Variants in WWOX observed in about 807,000 individuals in gnomAD.
WWOX encodes the protein WW domain-containing oxidoreductase.
In WWOX, 69 loss-of-function variants were observed where a neutral mutation model predicts 46.2. The observed-to-expected ratio is 1.49, with a 90% CI of 1.23 to 1.82. The LOEUF is 1.82. Among genes scored for constraint, WWOX ranks in the 40% most tolerant of loss-of-function variants. The pLI, the probability that WWOX is intolerant of heterozygous loss-of-function variation, is 0.00. For missense variants in WWOX, 919 were observed against 542.6 expected (o/e 1.69, Z -6.89); for synonymous variants, 359 against 202.6 (o/e 1.77, Z -6.56).
chr16:78,478,944 C>G (rs574110897), intron 8 of WWOX, among the ~76,000 whole-genome samples: 36 of 152,090 alleles, frequency 2.4e-4, no homozygotes, highest in Admixed American at 2.0e-3. Context: ...ATCATGGCCC[C>G]TTTTCTCCTT....
intron 5 of WWOX, among the ~76,000 whole-genome samples, chr16:78,359,492 C>A (rs576753190): frequency 2.6e-5 from 4 of 151,996 alleles, no homozygotes; most frequent in African/African-American, 9.7e-5. Flanking sequence ...CTTAAGAAAT[C>A]GTTGAAACAC....
intron 8 of WWOX, among the ~76,000 whole-genome samples, chr16:79,050,559 A>G (rs1030511123): frequency 1.3e-5 from 2 of 152,206 alleles, no homozygotes; most frequent in Admixed American, 1.3e-4. Context: ...TGCAGTCCCA[A>G]AGCCCGGGGC....
intron 8 of WWOX, among the ~76,000 whole-genome samples, chr16:78,934,508 CAAAAAAAAAAAAAA>C (rs760272326): frequency 1.4e-5 from 1 of 73,906 alleles, no homozygotes; most frequent in Admixed American, 1.8e-4. Context: ...AACCCTGTAT[CAAAAAAAAAAAAAA>C]AAAAAAAAAG....
At chr16:78,199,064 C>G (rs1011463224) in intron 5 of WWOX, among the ~76,000 whole-genome samples, 1 of 152,068 alleles carries the variant, frequency 6.6e-6, no homozygotes, top group Non-Finnish European at 1.5e-5. Flanking sequence ...TCCCATGCAT[C>G]CCACTTTGGG....
chr16:78,667,152 T>C (rs756735368), intron 8 of WWOX, among the ~76,000 whole-genome samples: 1 of 152,192 alleles, frequency 6.6e-6, no homozygotes, highest in Non-Finnish European at 1.5e-5. Context: ...CCACACCACT[T>C]TATGTGTTTG....
chr16:78,815,094 G>A (rs1458531624), intron 8 of WWOX, among the ~76,000 whole-genome samples: 1 of 152,238 alleles, frequency 6.6e-6, no homozygotes, highest in Non-Finnish European at 1.5e-5. Context: ...GGAGGCCGAG[G>A]TGGGCAGATT....
intron 8 of WWOX, among the ~76,000 whole-genome samples, chr16:78,763,697 C>T (rs760116720): frequency 6.6e-6 from 1 of 152,168 alleles, no homozygotes; most frequent in Non-Finnish European, 1.5e-5. Flanking sequence ...ACTTGTTCCA[C>T]GAAGTTGTTA....
At chr16:78,685,903 A>G (rs1311115935) in intron 8 of WWOX, among the ~76,000 whole-genome samples, 1 of 148,898 alleles carries the variant, frequency 6.7e-6, no homozygotes, top group Non-Finnish European at 1.5e-5. Flanking sequence ...AAAAAAAACA[A>G]AAAAGAAAAA....
intron 8 of WWOX, among the ~76,000 whole-genome samples, chr16:78,465,699 A>G (rs1344828953): frequency 1.3e-5 from 2 of 152,222 alleles, no homozygotes; most frequent in African/African-American, 4.8e-5. Context: ...TAAATTTAGC[A>G]TATTTCCTTT....
chr16:78,753,678 T>C (rs2049544755), intron 8 of WWOX, among the ~76,000 whole-genome samples: 2 of 151,080 alleles, frequency 1.3e-5, no homozygotes, highest in African/African-American at 4.9e-5. Context: ...GGTATGTACC[T>C]GTAGTCCCAG....
chr16:78,157,243 G>A (rs1180590677), intron 4 of WWOX, among the ~76,000 whole-genome samples: 2 of 152,132 alleles, frequency 1.3e-5, no homozygotes, highest in Admixed American at 6.5e-5. Flanking sequence ...TGTGTTGCTT[G>A]CATATGGCTG....
chr16:78,332,198 T>C (rs190376352), intron 5 of WWOX, among the ~76,000 whole-genome samples: 11 of 152,268 alleles, frequency 7.2e-5, no homozygotes, highest in Admixed American at 3.3e-4. Flanking sequence ...TTGCCATCTC[T>C]TTTTCCCAGA....
At chr16:78,770,839 G>C (rs572441618) in intron 8 of WWOX, among the ~76,000 whole-genome samples, 1 of 152,358 alleles carries the variant, frequency 6.6e-6, no homozygotes, top group South Asian at 2.1e-4. Context: ...AATGTGCCTG[G>C]TACTGAGACG....
At chr16:79,042,039 C>A (rs1293417398) in intron 8 of WWOX, among the ~76,000 whole-genome samples, 2 of 152,108 alleles carry the variant, frequency 1.3e-5, no homozygotes, top group African/African-American at 4.8e-5. Flanking sequence ...TTATGTTCCA[C>A]AAATTTTGGA....
chr16:78,320,505 C>A (rs963101801), intron 5 of WWOX, among the ~76,000 whole-genome samples: 3 of 152,062 alleles, frequency 2.0e-5, no homozygotes, highest in Non-Finnish European at 4.4e-5. Flanking sequence ...AAAATAAATC[C>A]CCGTAAGAGC....
chr16:78,977,035 A>G (rs570168115), intron 8 of WWOX, among the ~76,000 whole-genome samples: 3 of 152,264 alleles, frequency 2.0e-5, no homozygotes, highest in Non-Finnish European at 4.4e-5. Context: ...GCCTGGGACA[A>G]TCAGGTTTCA....
intron 8 of WWOX, among the ~76,000 whole-genome samples, chr16:79,189,360 T>C (rs1306957298): frequency 1.3e-5 from 2 of 151,168 alleles, no homozygotes; most frequent in Non-Finnish European, 2.9e-5. Flanking sequence ...CAGGCTTAGG[T>C]GATCCTCCTG....
chr16:78,587,988 G>C (rs1215836970), intron 8 of WWOX, among the ~76,000 whole-genome samples: 4 of 152,170 alleles, frequency 2.6e-5, no homozygotes, highest in African/African-American at 9.7e-5. Flanking sequence ...TTGTAGTTGT[G>C]GCAAATAGAT....
Position 78,510,354 on chromosome 16 carries a change from C to T in WWOX, c.1056+77602C>T, listed in dbSNP as rs111608442. 3.5e-3 allele frequency among the ~76,000 whole-genome samples: 537 copies of T among 152,180 alleles called. 3 individuals are homozygous for T. The highest frequency in any genetic ancestry group is 0.012 in the African/African-American group (515 of 41,516). On this transcript the variant is annotated intron_variant, in intron 8 of 8. Transcript: ENST00000566780. ...CCAAGTACCTGGGATTATAGACACC[C>T]ACCACCATGCACAGCTAATTTTTGT...
Sources: allele counts gnomAD v4.1 joint callset (sites outside exome capture counted in the v4.1 genomes callset), GRCh38; gene constraint gnomAD v4.1.1; transcripts MANE v1.5; gene names NCBI Gene and HGNC (gene_info 2026-07-23, HGNC 2026-07-21).